PCDHB6: variants seen among roughly 807,000 people sequenced by gnomAD.
PCDHB6 encodes protocadherin beta-6.
For missense variants in PCDHB6, 1,137 were observed against 1,010.1 expected (o/e 1.13, Z -1.70); for synonymous variants, 506 against 459.0 (o/e 1.10, Z -1.31).
chr5:141,150,689 T>C lies in PCDHB6; in HGVS notation c.432T>C (p.Ile144=). 1 of 1,614,148 alleles carries C rather than the reference T, an allele frequency of 6.2e-7. No homozygotes were observed. Among genetic ancestry groups the C allele is most frequent in the Non-Finnish European group, 8.5e-7 (1 of 1,180,032 alleles). ...AREMLLKISE[I]TMPGKIFPLK... ...AAATGCTCCTGAAAATATCAGAAAT[T>C]ACTATGCCAGGAAAGATATTTCCTT... Residue 144 remains isoleucine, a synonymous_variant, in exon 1 of 1, where the codon ATT becomes ATC. Coordinates refer to ENST00000231136, the MANE Select transcript of PCDHB6 (RefSeq NM_018939.4).
Position 141,151,421 on chromosome 5 carries a change from C to T in PCDHB6, c.1164C>T (p.Pro388=). ...QVICSIENNL[P]FLLRPSVENF... The stretch of plus-strand genomic sequence containing the variant: ...TTTGTTCAATAGAGAACAATCTCCC[C>T]TTTCTACTAAGACCTTCCGTGGAGA... Residue 388 remains proline, a synonymous_variant, in exon 1 of 1, where the codon CCC becomes CCT. Transcript: ENST00000231136. 1 of 1,614,162 alleles carries T rather than the reference C, an allele frequency of 6.2e-7. No individual in the cohort carries two copies. The highest frequency in any genetic ancestry group is 8.5e-7 in the Non-Finnish European group (1 of 1,180,032).
In PCDHB6 at chr5:141,152,169, C is replaced by G; in HGVS notation, c.1912C>G (p.Leu638Val). Residue 638 changes from leucine to valine, a missense_variant, in exon 1 of 1, where the codon CTG (leucine) becomes GTG (valine). Transcript: ENST00000231136. ...CGAGCGAGACGCAGCCAAGCACAGG[C>G]TGGTGGTGCTTGTCAAGGACAATGG... ...LSERDAAKHR[L>V]VVLVKDNGEP... 2 of 1,607,876 alleles carry G rather than the reference C, an allele frequency of 1.2e-6. No individual in the cohort carries two copies. Among genetic ancestry groups the G allele is most frequent in the Non-Finnish European group, 1.7e-6 (2 of 1,179,722 alleles).
chr5:141,151,353 T>C lies in PCDHB6; in HGVS notation c.1096T>C (p.Phe366Leu), dbSNP rs1554277670. The change falls in exon 1 of 1, where the codon TTC becomes CTC. Residue 366 changes from phenylalanine (F) to leucine (L), a missense_variant. Transcript: ENST00000231136. ...CTTACCAGAGATCACAGTGGCAGTT[T>C]TCAGTGTTTCAGATGCAGACTCTGG... ...ENLPEITVAV[F>L]SVSDADSGHN... is the part of the protein sequence containing the mutation. The C allele has an allele frequency of 1.2e-6, 2 of 1,614,138 alleles. No individual in the cohort carries two copies. The highest frequency in any genetic ancestry group is 2.2e-5 in the South Asian group (2 of 91,076).
Position 141,150,290 on chromosome 5 carries a change from G to T in PCDHB6, c.33G>T (p.Arg11Ser), listed in dbSNP as rs1212615004. The T allele has an allele frequency of 6.2e-7, 1 of 1,613,564 alleles. No individual in the cohort carries two copies. The highest frequency in any genetic ancestry group is 8.5e-7 in the Non-Finnish European group (1 of 1,179,570). Reference sequence around the variant, plus strand: ...AAACTAAAGTACAGAACAAGAAAAGGCAAGTGGCTTTCTTCATTTTATTGA... The same window carrying T: ...AAACTAAAGTACAGAACAAGAAAAGTCAAGTGGCTTTCTTCATTTTATTGA... MMQTKVQNKK[R>S]QVAFFILLML... Residue 11 changes from arginine (R) to serine (S), a missense_variant, in exon 1 of 1, where the codon AGG becomes AGT. Coordinates refer to ENST00000231136, the MANE Select transcript of PCDHB6 (RefSeq NM_018939.4).
In PCDHB6 at chr5:141,152,356, T is replaced by A. The variant is rs782417082; in HGVS notation, c.2099T>A (p.Leu700His). 1 of 1,610,910 alleles carries A rather than the reference T, an allele frequency of 6.2e-7. No individual in the cohort carries two copies. The change falls in exon 1 of 1, where the codon CTC (leucine) becomes CAC (histidine). Residue 700 changes from leucine to histidine, a missense_variant. Physicochemically the swap from Leu to His is moderately conservative, Grantham distance 99. Transcript: ENST00000231136. Reference protein sequence around the residue: ...VALASVSSLFLFSVLLFVAVR... With the variant: ...VALASVSSLFHFSVLLFVAVR... Reference sequence around the variant, plus strand: ...TTGGCCTCGGTGTCGTCGCTCTTCCTCTTTTCGGTGCTCCTGTTCGTGGCG... The same window carrying A: ...TTGGCCTCGGTGTCGTCGCTCTTCCACTTTTCGGTGCTCCTGTTCGTGGCG...
At position 141,151,539 on chromosome 5, in the gene PCDHB6, A is replaced by C. The variant is rs1328580075; in HGVS notation, c.1282A>C (p.Arg428=). The change falls in exon 1 of 1, where the codon AGG becomes CGG. Residue 428 remains arginine (R), a synonymous_variant. Transcript: ENST00000231136. ...CACGGTCACTGATTTGGGGACACCAAGGCTGAAAACCCAGCAGAGCATAAC... is the reference window on the plus strand; with the variant it reads ...CACGGTCACTGATTTGGGGACACCACGGCTGAAAACCCAGCAGAGCATAAC... ...TITVTDLGTP[R]LKTQQSITVQ... 1.2e-6 allele frequency: 2 copies of C among 1,614,030 alleles called. No homozygotes were observed. Among genetic ancestry groups the C allele is most frequent in the Admixed American group, 3.3e-5 (2 of 59,990 alleles).
chr5:141,151,856 C>A lies in PCDHB6; in HGVS notation c.1599C>A (p.Asp533Glu). 6.2e-7 allele frequency: 1 copy of A among 1,612,372 alleles called. No homozygotes were observed. The highest frequency in any genetic ancestry group is 8.5e-7 in the Non-Finnish European group (1 of 1,179,848). ...TCGAGTTCCGCGTGGGCGCCACAGA[C>A]CGCGGCTCCCCGGCGTTGAGCAGCG... Reference protein sequence around the residue: ...QSFEFRVGATDRGSPALSSEA... With the variant: ...QSFEFRVGATERGSPALSSEA... The change falls in exon 1 of 1, where the codon GAC becomes GAA. Residue 533 changes from aspartate (D) to glutamate (E), a missense_variant. Physicochemically the swap from Asp to Glu is conservative, Grantham distance 45. Transcript: ENST00000231136.
rs1554277694 is a variant in PCDHB6 at position 141,151,460 on chromosome 5, G to A, written c.1203G>A (p.Leu401=). Residue 401 remains leucine (L), a synonymous_variant, in exon 1 of 1, where the codon CTG becomes CTA. Coordinates refer to ENST00000231136, the MANE Select transcript of PCDHB6 (RefSeq NM_018939.4). ...LRPSVENFYT[L]VTEGALDRES... ...CTTCCGTGGAGAATTTCTACACCCT[G>A]GTAACAGAAGGCGCGCTGGACAGAG... 6.2e-7 allele frequency: 1 copy of A among 1,614,128 alleles called. No individual in the cohort carries two copies. The highest frequency in any genetic ancestry group is 1.3e-5 in the African/African-American group (1 of 75,018).
At position 141,151,825 on chromosome 5, in the gene PCDHB6, A is replaced by G. The variant is rs1554277830; in HGVS notation, c.1568A>G (p.Gln523Arg). The change falls in exon 1 of 1, where the codon CAG becomes CGG. Residue 523 changes from glutamine (Q) to arginine (R), a missense_variant. Coordinates refer to ENST00000231136, the MANE Select transcript of PCDHB6 (RefSeq NM_018939.4). ...AGGTCGCTGGACTACGAGGCCCTGC[A>G]GTCTTTCGAGTTCCGCGTGGGCGCC... is the stretch of plus-strand genomic sequence containing the variant. The part of the protein sequence containing the change: ...ALRSLDYEAL[Q>R]SFEFRVGATD... 1 of 1,612,566 alleles carries G rather than the reference A, an allele frequency of 6.2e-7. No individual in the cohort carries two copies. Among genetic ancestry groups the G allele is most frequent in the African/African-American group, 1.3e-5 (1 of 74,892 alleles).
Position 141,151,690 on chromosome 5 carries a change from C to T in PCDHB6, c.1433C>T (p.Ser478Leu), listed in dbSNP as rs1752872470. 1.2e-6 allele frequency: 2 copies of T among 1,613,194 alleles called. No individual in the cohort carries two copies. The highest frequency in any genetic ancestry group is 2.7e-5 in the African/African-American group (2 of 74,930). The part of the protein sequence containing the change: ...IGSVSATDRD[S>L]GINAQVTYSL... ...AGCGTCAGCGCCACAGACAGAGACT[C>T]AGGCATCAACGCCCAGGTCACCTAC... The change falls in exon 1 of 1, where the codon TCA becomes TTA. Residue 478 changes from serine (S) to leucine (L), a missense_variant. By Grantham distance (145) the Ser-to-Leu change is moderately radical. Transcript: ENST00000231136.
In PCDHB6 at chr5:141,150,334, G is replaced by A; in HGVS notation, c.77G>A (p.Gly26Asp). Residue 26 changes from glycine (G) to aspartate (D), a missense_variant, in exon 1 of 1, where the codon GGT (glycine) becomes GAT (aspartate). Physicochemically the swap from Gly to Asp is moderately conservative, Grantham distance 94. Transcript: ENST00000231136. Reference sequence around the variant, plus strand: ...TTATTGATGCTTTGGGGAGAGGTGGGTTCTGAATCGATTCAGTATTCCGTA... The same window carrying A: ...TTATTGATGCTTTGGGGAGAGGTGGATTCTGAATCGATTCAGTATTCCGTA... ...FILLMLWGEV[G>D]SESIQYSVLE... 1 of 1,614,156 alleles carries A rather than the reference G, an allele frequency of 6.2e-7. No individual in the cohort carries two copies. Among genetic ancestry groups the A allele is most frequent in the African/African-American group, 1.3e-5 (1 of 75,020 alleles).
Position 141,152,633 on chromosome 5 carries a change from G to A in PCDHB6, c.2376G>A (p.Pro792=). 2.5e-6 allele frequency: 4 copies of A among 1,590,324 alleles called. No homozygotes were observed. The highest frequency in any genetic ancestry group is 1.1e-5 in the South Asian group (1 of 88,132). The part of the protein sequence containing the change: ...EETPTSRNSF[P]FS Reference sequence around the variant, plus strand: ...CCCCCACCTCTCGGAATAGCTTCCCGTTCAGTTAAGTGTGGGATTATTTTA... The same window carrying A: ...CCCCCACCTCTCGGAATAGCTTCCCATTCAGTTAAGTGTGGGATTATTTTA... The change falls in exon 1 of 1, where the codon CCG becomes CCA. Residue 792 remains proline, a synonymous_variant. Transcript: ENST00000231136.
chr5:141,151,527 T>C lies in PCDHB6; in HGVS notation c.1270T>C (p.Leu424=), dbSNP rs141291084. 1.1e-5 allele frequency: 17 copies of C among 1,613,992 alleles called. No homozygotes were observed. The highest frequency in any genetic ancestry group is 2.2e-5 in the East Asian group (1 of 44,890). The change falls in exon 1 of 1, where the codon TTG becomes CTG. Residue 424 remains leucine, a synonymous_variant. Transcript: ENST00000231136. The stretch of plus-strand genomic sequence containing the variant: ...CAACATCACTATCACGGTCACTGAT[T>C]TGGGGACACCAAGGCTGAAAACCCA... The part of the protein sequence containing the change: ...EYNITITVTD[L]GTPRLKTQQS...
Position 141,150,405 on chromosome 5 carries a change from G to A in PCDHB6, c.148G>A (p.Asp50Asn). ...CACGTTTGTGGCCAACTTGACAAAGGACCTGGGACTGAGGGTGGGGGAGCT... is the reference window on the plus strand; with the variant it reads ...CACGTTTGTGGCCAACTTGACAAAGAACCTGGGACTGAGGGTGGGGGAGCT... ...SGTFVANLTKDLGLRVGELAS... is the reference protein window; with the variant it reads ...SGTFVANLTKNLGLRVGELAS... Residue 50 changes from aspartate to asparagine, a missense_variant, in exon 1 of 1, where the codon GAC (aspartate) becomes AAC (asparagine). Asp to Asn is a conservative substitution (Grantham distance 23). Transcript: ENST00000231136. 1 of 1,614,130 alleles carries A rather than the reference G, an allele frequency of 6.2e-7. No individual in the cohort carries two copies. Among genetic ancestry groups the A allele is most frequent in the South Asian group, 1.1e-5 (1 of 91,076 alleles).
Position 141,150,914 on chromosome 5 carries a change from GC to G in PCDHB6, c.661del (p.Arg221GlyfsTer48). On this transcript the variant is annotated frameshift_variant, in exon 1 of 1. Coordinates refer to ENST00000231136, the MANE Select transcript of PCDHB6 (RefSeq NM_018939.4). LOFTEE classifies it low-confidence loss of function (END_TRUNC). ...TLIALDGGSPPRSGTSEIQIQ... is the reference protein window; with the variant it reads ...TLIALDGGSPXRSGTSEIQIQ... ...TGATCGCGCTGGATGGCGGGTCTCC[GC>G]CCCGGTCAGGGACCTCCGAGATTCA... 6.2e-7 allele frequency: 1 copy of G among 1,614,056 alleles called. No homozygotes were observed. The highest frequency in any genetic ancestry group is 1.6e-4 in the Middle Eastern group (1 of 6,062).
Position 141,152,744 on chromosome 5 carries a change from T to C in PCDHB6, c.*102T>C. Reference sequence around the variant, plus strand: ...TTTATTTTACCTCTATTCTTTAGGTTGAAATTTTATATAAAGTAAGATACT... The same window carrying C: ...TTTATTTTACCTCTATTCTTTAGGTCGAAATTTTATATAAAGTAAGATACT... On this transcript the variant is annotated 3_prime_UTR_variant, in exon 1 of 1. Coordinates refer to ENST00000231136, the MANE Select transcript of PCDHB6 (RefSeq NM_018939.4). The C allele has an allele frequency of 1.9e-6, 2 of 1,047,996 alleles. No homozygotes were observed. The highest frequency in any genetic ancestry group is 1.9e-5 in the South Asian group (1 of 52,880). 64.9% of individuals were successfully genotyped at this position (1,047,996 alleles called of 1,614,324 possible).
rs193256412 is a variant in PCDHB6 at position 141,153,082 on chromosome 5, G to A, written c.*440G>A. 287 of 167,756 alleles carry A rather than the reference G, an allele frequency of 1.7e-3. 1 individual carries two copies. The highest frequency in any genetic ancestry group is 3.4e-3 in the Middle Eastern group (1 of 296). The allele number at this position is 167,756 out of a possible 1,614,324, so 10.4% of individuals were successfully genotyped here. A position where few individuals can be genotyped will look rare whatever the true frequency, so the allele number is the denominator to read the frequency against. On this transcript the variant is annotated 3_prime_UTR_variant, in exon 1 of 1. Transcript: ENST00000231136. ...TGTAACACTAAAAATAAGAACTAATGATGGCTAAACACTAAAGTAGCCATT... is the reference window on the plus strand; with the variant it reads ...TGTAACACTAAAAATAAGAACTAATAATGGCTAAACACTAAAGTAGCCATT...
rs200786084 is a variant in PCDHB6, at chr5:141,152,611, C to A, written c.2354C>A (p.Pro785His). The change falls in exon 1 of 1, where the codon CCC becomes CAC. Residue 785 changes from proline (P) to histidine (H), a missense_variant. Coordinates refer to ENST00000231136, the MANE Select transcript of PCDHB6 (RefSeq NM_018939.4). ...ACTGAGAGAGAAATGGAAGAAACCC[C>A]CACCTCTCGGAATAGCTTCCCGTTC... ...QGTEREMEETPTSRNSFPFS is the reference protein window; with the variant it reads ...QGTEREMEETHTSRNSFPFS The A allele has an allele frequency of 1.9e-6, 3 of 1,607,516 alleles. No homozygotes were observed. The African/African-American group carries it at 4.0e-5, about 22-fold the overall frequency.
In PCDHB6 at chr5:141,151,881, G is replaced by C. The variant is rs374444657; in HGVS notation, c.1624G>C (p.Glu542Gln). Residue 542 changes from glutamate to glutamine, a missense_variant, in exon 1 of 1, where the codon GAG (glutamate) becomes CAG (glutamine). Coordinates refer to ENST00000231136, the MANE Select transcript of PCDHB6 (RefSeq NM_018939.4). Reference protein sequence around the residue: ...TDRGSPALSSEALVRLLVLDA... With the variant: ...TDRGSPALSSQALVRLLVLDA... ...CCGCGGCTCCCCGGCGTTGAGCAGCGAGGCGCTGGTGCGCTTGCTGGTGCT... is the reference window on the plus strand; with the variant it reads ...CCGCGGCTCCCCGGCGTTGAGCAGCCAGGCGCTGGTGCGCTTGCTGGTGCT... 96 of 1,611,912 alleles carry C rather than the reference G, an allele frequency of 6.0e-5. No individual in the cohort carries two copies. Among genetic ancestry groups the C allele is most frequent in the Non-Finnish European group, 8.0e-5 (94 of 1,179,814 alleles).
Sources: gnomAD v4.1 joint callset for allele counts on GRCh38, gnomAD v4.1.1 for gene constraint, MANE v1.5 for transcripts, NCBI Gene and HGNC (gene_info 2026-07-23, HGNC 2026-07-21) for gene names.